The following EPG5 variants were observed in gnomAD, a reference collection of about 807,000 sequenced individuals.
EPG5 encodes the protein ectopic P granules protein 5 homolog.
EPG5 carries 159 observed loss-of-function variants against 302.7 expected under a neutral mutation model. That is an observed-to-expected ratio of 0.53 (90% CI 0.46 to 0.60). EPG5 has a LOEUF of 0.60. EPG5 is among the 20% of genes least tolerant of loss of function. The probability of loss-of-function intolerance (pLI) is 0.00; values close to 1 mark genes in which losing one functional copy is unlikely to be tolerated. For synonymous variants in EPG5, 1,158 were observed against 1,136.8 expected (o/e 1.02, Z -0.37); for missense variants, 2,896 against 3,092.4 (o/e 0.94, Z 1.51).
chr18:45,953,517 C>T, intron 2 of EPG5: 1 of 985,366 alleles, frequency 1.0e-6, no homozygotes, highest in Non-Finnish European at 1.2e-6. Flanking sequence ...CCAATATCCC[C>T]TCCAGCTTCC....
Position 45,964,909 on chromosome 18 carries a change from C to T in EPG5, c.63+2268G>A, listed in dbSNP as rs371142827. On this transcript the variant is annotated intron_variant, in intron 1 of 43. Coordinates refer to ENST00000282041, the MANE Select transcript of EPG5 (RefSeq NM_020964.3). ...CAGACGTTGTGGTGAGCAGAGATCG[C>T]GCCACTGCACTCCAGCCTGGGCAAC... 2.5e-4 allele frequency among the ~76,000 whole-genome samples: 37 copies of T among 150,124 alleles called. 1 individual carries two copies. The South Asian group carries it at 6.0e-3, about 24-fold the overall frequency.
chr18:45,924,040 AAAG>A (rs2050214501), intron 14 of EPG5, among the ~76,000 whole-genome samples: 1 of 150,746 alleles, frequency 6.6e-6, no homozygotes, highest in African/African-American at 2.5e-5. Context: ...AAAAAAAAAA[AAAG>A]AGAAAGATAT....
intron 27 of EPG5, among the ~76,000 whole-genome samples, chr18:45,899,131 A>G (rs975158198): frequency 4.6e-5 from 7 of 152,082 alleles, no homozygotes. Context: ...AAACAAACAA[A>G]AAAAGGAATC....
At position 45,889,802 on chromosome 18, in the gene EPG5, T is replaced by C. The variant is rs776045617; in HGVS notation, c.4948A>G (p.Ile1650Val). 9 of 1,598,498 alleles carry C rather than the reference T, an allele frequency of 5.6e-6. No individual in the cohort carries two copies. In the East Asian group the frequency reaches 6.7e-5, roughly 12 times the overall value. ...VEAAVHAENL[I>V]TALVNAYKLQ... ...TATAATGCCTGCAAAACTTACGTGA[T>C]CAAGTTTTCTGCATGTACAGCAGCT... Residue 1650 changes from isoleucine to valine, a missense_variant, in exon 28 of 44, where the codon ATC (isoleucine) becomes GTC (valine). Transcript: ENST00000282041.
chr18:45,910,710 A>T lies in EPG5; in HGVS notation c.4016T>A (p.Phe1339Tyr), dbSNP rs770312938. ...LPIDGCIGRR[F>Y]FQSPAHINLL... Reference sequence around the variant, plus strand: ...ATTGATATGAGCAGGACTTTGAAAAAACCTTCTTCCAATACAACCATCTAT... The same window carrying T: ...ATTGATATGAGCAGGACTTTGAAAATACCTTCTTCCAATACAACCATCTAT... The change falls in exon 23 of 44, where the codon TTT becomes TAT. Residue 1339 changes from phenylalanine to tyrosine, a missense_variant. Transcript: ENST00000282041. The T allele has an allele frequency of 1.2e-6, 2 of 1,614,100 alleles. No individual in the cohort carries two copies. Among genetic ancestry groups the T allele is most frequent in the Non-Finnish European group, 1.7e-6 (2 of 1,180,004 alleles).
At chr18:45,903,045 A>T (rs993335214) in intron 25 of EPG5, among the ~76,000 whole-genome samples, 1 of 152,208 alleles carries the variant, frequency 6.6e-6, no homozygotes, top group Non-Finnish European at 1.5e-5. Context: ...TGTTCAGGCA[A>T]CATAGAAACA....
intron 13 of EPG5, 84 bp from the exon 14 acceptor site, chr18:45,925,986 T>C: frequency 1.1e-6 from 1 of 918,544 alleles, no homozygotes; most frequent in Non-Finnish European, 1.5e-6. Flanking sequence ...TTAAACTGCT[T>C]GTAAAAAAAT....
chr18:45,876,103 G>T, intron 35 of EPG5, 133 bp downstream of exon 35: 1 of 605,226 alleles, frequency 1.7e-6, no homozygotes, highest in Non-Finnish European at 2.9e-6. Context: ...CTAAATAATT[G>T]TATCAGCGAC....
intron 3 of EPG5, among the ~76,000 whole-genome samples, chr18:45,952,053 G>A (rs916794520): frequency 6.6e-6 from 1 of 152,210 alleles, no homozygotes; most frequent in Non-Finnish European, 1.5e-5. Context: ...GATAAAGGGT[G>A]AAGAAGTATT....
At chr18:45,860,778 G>C (rs749859792) in intron 39 of EPG5, among the ~76,000 whole-genome samples, 2 of 152,092 alleles carry the variant, frequency 1.3e-5, no homozygotes, top group African/African-American at 4.8e-5. Context: ...CAATATTCTA[G>C]GGTGATTTAC....
At chr18:45,940,902 G>C (rs12957534) in intron 9 of EPG5, among the ~76,000 whole-genome samples, 16,726 of 152,192 alleles carry the variant, frequency 0.11, 1,256 homozygotes, top group South Asian at 0.16. Flanking sequence ...GTTTGGGAAG[G>C]GGGGAGAGTG....
intron 24 of EPG5, among the ~76,000 whole-genome samples, chr18:45,905,847 C>CCATG (rs946375338): frequency 6.6e-6 from 1 of 152,146 alleles, no homozygotes; most frequent in Admixed American, 6.5e-5. Flanking sequence ...CAAGTACCTA[C>CCATG]CATGTACAAA....
At chr18:45,943,627 G>T (rs570547011) in intron 8 of EPG5, among the ~76,000 whole-genome samples, 7 of 152,192 alleles carry the variant, frequency 4.6e-5, no homozygotes, top group African/African-American at 1.4e-4. Context: ...GCCTACACAA[G>T]AAGTAAGACT....
chr18:45,801,392 C>T, the EPG5 span, among the ~76,000 whole-genome samples: 2 of 152,138 alleles, frequency 1.3e-5, no homozygotes, highest in Non-Finnish European at 1.5e-5. Context: ...TGGTCTCGAA[C>T]TCCTGAGCTC....
chr18:45,866,588 C>T (rs571434473), intron 38 of EPG5, among the ~76,000 whole-genome samples: 2 of 152,282 alleles, frequency 1.3e-5, no homozygotes, highest in South Asian at 4.1e-4. Flanking sequence ...GACCTTTCAT[C>T]GACATGTGAC....
At chr18:45,905,145 T>TTA (rs1240804345) in intron 24 of EPG5, among the ~76,000 whole-genome samples, 1 of 152,208 alleles carries the variant, frequency 6.6e-6, no homozygotes, top group African/African-American at 2.4e-5. Flanking sequence ...ATATTCTGAA[T>TTA]TATATATATT....
At chr18:45,963,112 G>T (rs1173385668) in intron 1 of EPG5, among the ~76,000 whole-genome samples, 1 of 152,126 alleles carries the variant, frequency 6.6e-6, no homozygotes, top group Middle Eastern at 3.2e-3. Flanking sequence ...AACAAGACAG[G>T]TCCCTCCCTC....
chr18:45,949,205 G>A (rs927138703), intron 5 of EPG5, among the ~76,000 whole-genome samples: 11 of 152,070 alleles, frequency 7.2e-5, no homozygotes, highest in African/African-American at 2.4e-4. Context: ...AAGTCCTGGT[G>A]AGCCTTTCTA....
At chr18:45,853,266 T>C (rs1235297095) in intron 43 of EPG5, among the ~76,000 whole-genome samples, 2 of 152,232 alleles carry the variant, frequency 1.3e-5, no homozygotes, top group African/African-American at 2.4e-5. Context: ...ATGAAGTACA[T>C]AGGTTCCTCC....
Sources: gnomAD v4.1 joint callset for allele counts (sites outside exome capture counted in the v4.1 genomes callset) on GRCh38, gnomAD v4.1.1 for gene constraint, MANE v1.5 for transcripts, NCBI Gene and HGNC (gene_info 2026-07-23, HGNC 2026-07-21) for gene names.